The following SMARCC1 variants were observed in gnomAD, a reference collection of about 807,000 sequenced individuals.
SMARCC1 encodes the protein SWI/SNF complex subunit SMARCC1.
A neutral mutation model predicts 147.4 loss-of-function variants in SMARCC1; 43 were observed. The ratio of observed to expected loss-of-function variants is 0.29; its 90% CI spans 0.23 to 0.38. SMARCC1 has a LOEUF of 0.38. Among genes scored for constraint, SMARCC1 ranks in the 10% least tolerant of loss-of-function variants. The pLI is 1.00. For missense variants in SMARCC1, 1,119 were observed against 1,381.1 expected, an observed-to-expected ratio of 0.81 and a Z score of 3.01; for synonymous variants, 495 against 484.4, an observed-to-expected ratio of 1.02 and a Z score of -0.29.
intron 10 of SMARCC1, among the ~76,000 whole-genome samples, chr3:47,705,030 A>G (rs1253929734): frequency 6.6e-6 from 1 of 151,562 alleles, no homozygotes; most frequent in African/African-American, 2.4e-5. Flanking sequence ...AAACATATAT[A>G]AAAGGAATGT....
At chr3:47,645,367 T>A (rs2033105939) in intron 21 of SMARCC1, among the ~76,000 whole-genome samples, 1 of 149,214 alleles carries the variant, frequency 6.7e-6, no homozygotes, top group Non-Finnish European at 1.5e-5. Context: ...TAGATGAAGA[T>A]AAAGGTTCAA....
At chr3:47,678,690 T>A (rs1247001137) in intron 15 of SMARCC1, among the ~76,000 whole-genome samples, 2 of 152,254 alleles carry the variant, frequency 1.3e-5, no homozygotes, top group Non-Finnish European at 2.9e-5. Flanking sequence ...AATGTATGTC[T>A]GACAATTGAA....
chr3:47,720,718 C>A lies in SMARCC1; in HGVS notation c.664G>T (p.Val222Leu), dbSNP rs758445751. The A allele has an allele frequency of 1.2e-5, 19 of 1,611,398 alleles. No individual in the cohort carries two copies. The highest frequency in any genetic ancestry group is 1.5e-5 in the Non-Finnish European group (18 of 1,178,158). The change falls in exon 7 of 28, where the codon GTG becomes TTG. Residue 222 changes from valine (V) to leucine (L), a missense_variant. By Grantham distance (32) the Val-to-Leu change is conservative. Transcript: ENST00000254480. ...AACACTTGCTTCTCTTTTCTCATCA[C>A]CGGTCTCAACCATTCTTCTGGAAGA... Reference protein sequence around the residue: ...SQDDEEWLRPVMRKEKQVLVH... With the variant: ...SQDDEEWLRPLMRKEKQVLVH...
rs368568861 is a variant in SMARCC1 at position 47,639,362 on chromosome 3, C to T, written c.2321-582G>A. On this transcript the variant is annotated intron_variant, in intron 21 of 27. Transcript: ENST00000254480. ...AAATTACATGAGAAAATTATTATTT[C>T]AAATATGAGAAAATTATTAATTTTC... 1.2e-4 allele frequency among the ~76,000 whole-genome samples: 19 copies of T among 152,132 alleles called. No individual in the cohort carries two copies. The South Asian group carries it at 3.9e-3, about 32-fold the overall frequency.
intron 5 of SMARCC1, among the ~76,000 whole-genome samples, chr3:47,733,768 G>A (rs1413473663): frequency 6.6e-6 from 1 of 151,214 alleles, no homozygotes; most frequent in Admixed American, 6.6e-5. Context: ...GGAGGCTGAG[G>A]CAAGAGAATG....
intron 26 of SMARCC1, among the ~76,000 whole-genome samples, chr3:47,600,721 A>G (rs953217678): frequency 1.3e-5 from 2 of 152,178 alleles, no homozygotes; most frequent in Admixed American, 6.5e-5. Context: ...AAGACTCAGG[A>G]GAAGACAAAA....
In SMARCC1 at chr3:47,735,955, G is replaced by C. The variant is rs527504358; in HGVS notation, c.576+79C>G. ...TCAAAAAATCCAAAACATTACTATG[G>C]TTGTCATTTATTAGAGGCTTACAAC... On this transcript the variant is annotated intron_variant, in intron 5 of 27. Coordinates refer to ENST00000254480, the MANE Select transcript of SMARCC1 (RefSeq NM_003074.4). 8.9e-4 allele frequency: 555 copies of C among 620,902 alleles called. 3 individuals are homozygous for C. The highest frequency in any genetic ancestry group is 1.4e-3 in the Non-Finnish European group (508 of 369,744). The allele number at this position is 620,902 out of a possible 1,614,324, so 38.5% of individuals were successfully genotyped here.
At chr3:47,686,730 A>T (rs1480928768) in intron 13 of SMARCC1, among the ~76,000 whole-genome samples, 10 of 152,224 alleles carry the variant, frequency 6.6e-5, no homozygotes, top group Admixed American at 5.9e-4. Flanking sequence ...TCATGCCTGT[A>T]ATTCCAACAC....
At chr3:47,777,070 G>C (rs1400805488) in intron 1 of SMARCC1, among the ~76,000 whole-genome samples, 1 of 150,860 alleles carries the variant, frequency 6.6e-6, no homozygotes, top group Non-Finnish European at 1.5e-5. Flanking sequence ...CACTACACCT[G>C]GCCTCAGGTA....
chr3:47,746,999 T>G (rs1365965125), intron 2 of SMARCC1, among the ~76,000 whole-genome samples: 1 of 151,938 alleles, frequency 6.6e-6, no homozygotes, highest in Non-Finnish European at 1.5e-5. Flanking sequence ...CAAAGTGCTG[T>G]GATTACAGGC....
chr3:47,661,159 G>T, intron 21 of SMARCC1, 135 bp downstream of exon 21: 1 of 637,854 alleles, frequency 1.6e-6, no homozygotes, highest in Non-Finnish European at 2.5e-6. Flanking sequence ...AAAAAATCAT[G>T]TACTAATCTT....
At chr3:47,689,101 C>T (rs982131232) in intron 13 of SMARCC1, among the ~76,000 whole-genome samples, 2 of 151,760 alleles carry the variant, frequency 1.3e-5, no homozygotes, top group Non-Finnish European at 2.9e-5. Context: ...CTCAGCTACT[C>T]GGGAGGCTGA....
chr3:47,616,553 C>T (rs780372495), intron 25 of SMARCC1, among the ~76,000 whole-genome samples: 7 of 152,022 alleles, frequency 4.6e-5, no homozygotes, highest in Admixed American at 3.3e-4. Flanking sequence ...TCAAGTGGTT[C>T]TCCTGCCTCA....
intron 7 of SMARCC1, among the ~76,000 whole-genome samples, chr3:47,716,451 A>G (rs2034158287): frequency 1.3e-5 from 2 of 149,022 alleles, no homozygotes; most frequent in Non-Finnish European, 3.0e-5. Context: ...CCAACCTTAT[A>G]CTCTTCCAGT....
chr3:47,666,631 G>C (rs2033423522), intron 19 of SMARCC1, among the ~76,000 whole-genome samples: 1 of 149,242 alleles, frequency 6.7e-6, no homozygotes, highest in Admixed American at 6.7e-5. Context: ...AACCAAGCTT[G>C]TCCAACCTGT....
intron 21 of SMARCC1, among the ~76,000 whole-genome samples, chr3:47,657,179 A>G (rs909370960): frequency 2.0e-5 from 3 of 152,190 alleles, no homozygotes; most frequent in African/African-American, 7.2e-5. Context: ...AGATTTCAAT[A>G]CCCCACTTTC....
At chr3:47,613,853 C>T (rs750204216) in intron 25 of SMARCC1, among the ~76,000 whole-genome samples, 62 of 152,022 alleles carry the variant, frequency 4.1e-4, no homozygotes, top group Non-Finnish European at 7.6e-4. Flanking sequence ...ATAAAGCAGC[C>T]GTATCCAAGC....
At chr3:47,741,646 A>G (rs1318395774) in intron 3 of SMARCC1, among the ~76,000 whole-genome samples, 2 of 151,802 alleles carry the variant, frequency 1.3e-5, no homozygotes, top group Non-Finnish European at 2.9e-5. Context: ...AATAACAAAT[A>G]TATTTTCCTT....
intron 10 of SMARCC1, among the ~76,000 whole-genome samples, chr3:47,705,202 G>T (rs907750736): frequency 6.6e-6 from 1 of 151,548 alleles, no homozygotes; most frequent in African/African-American, 2.4e-5. Flanking sequence ...GCACGAGCCT[G>T]TAGTCCCAGC....
Sources: gnomAD v4.1 joint callset for allele counts (sites outside exome capture counted in the v4.1 genomes callset) on GRCh38, gnomAD v4.1.1 for gene constraint, MANE v1.5 for transcripts, NCBI Gene and HGNC (gene_info 2026-07-23, HGNC 2026-07-21) for gene names.